TRAF5: variants seen among roughly 807,000 people sequenced by gnomAD.
The protein encoded by TRAF5 is TNF receptor associated factor 5, also known as TNF receptor-associated factor 5.
TRAF5 carries 48 observed loss-of-function variants against 64.5 expected under a neutral mutation model. The ratio of observed to expected loss-of-function variants is 0.74; its 90% confidence interval spans 0.59 to 0.95. The LOEUF (loss-of-function observed/expected upper bound fraction) is 0.95, where lower values mean the gene tolerates loss of function less well. TRAF5 is among the 40% of genes least tolerant of loss of function. The pLI is 0.00. For missense variants in TRAF5, 545 were observed against 662.8 expected (o/e 0.82, Z 1.95); for synonymous variants, 206 against 240.5 (o/e 0.86, Z 1.33).
At chr1:211,340,846 C>T (rs1328184177) in intron 1 of TRAF5, among the ~76,000 whole-genome samples, 4 of 152,242 alleles carry the variant, frequency 2.6e-5, no homozygotes, top group Admixed American at 6.5e-5. Context: ...TGGCGGTCTT[C>T]GCAGCCTCCA....
intron 1 of TRAF5, among the ~76,000 whole-genome samples, chr1:211,343,231 G>T (rs1702495373): frequency 6.6e-6 from 1 of 152,006 alleles, no homozygotes; most frequent in Non-Finnish European, 1.5e-5. Context: ...GCTATGAAGG[G>T]GTATGGGCAG....
intron 1 of TRAF5, among the ~76,000 whole-genome samples, chr1:211,345,891 C>T (rs1702592381): frequency 6.6e-6 from 1 of 152,220 alleles, no homozygotes; most frequent in South Asian, 2.1e-4. Flanking sequence ...CTCTCATTGG[C>T]TGAACCTAAC....
chr1:211,347,286 T>TA (rs1301355665), intron 1 of TRAF5, among the ~76,000 whole-genome samples: 2 of 152,194 alleles, frequency 1.3e-5, no homozygotes, highest in Non-Finnish European at 2.9e-5. Context: ...TAAAGAAGCA[T>TA]AGCCTTTCTA....
intron 1 of TRAF5, among the ~76,000 whole-genome samples, chr1:211,348,397 C>T (rs747846058): frequency 2.6e-5 from 4 of 151,844 alleles, no homozygotes; most frequent in Non-Finnish European, 4.4e-5. Context: ...ATATAATTTG[C>T]GTAAACAAAA....
At chr1:211,369,850 G>A (rs1214687973) in intron 9 of TRAF5, among the ~76,000 whole-genome samples, 1 of 152,148 alleles carries the variant, frequency 6.6e-6, no homozygotes, top group Non-Finnish European at 1.5e-5. Flanking sequence ...GTGTGCATGT[G>A]TGTGCACGTG....
intron 6 of TRAF5, 101 bp downstream of exon 6, chr1:211,360,880 C>T (rs1703155897): frequency 1.7e-6 from 2 of 1,154,930 alleles, no homozygotes. Context: ...GGGCCCAGGG[C>T]TTAAATTACA....
intron 1 of TRAF5, chr1:211,346,275 T>A: frequency 1.3e-6 from 1 of 764,610 alleles, no homozygotes; most frequent in African/African-American, 1.9e-5. Flanking sequence ...AATTGATCAT[T>A]TTTGTGCCTT....
chr1:211,341,823 A>T (rs1702454856), intron 1 of TRAF5, among the ~76,000 whole-genome samples: 1 of 152,260 alleles, frequency 6.6e-6, no homozygotes, highest in South Asian at 2.1e-4. Flanking sequence ...ATTTACAAAA[A>T]GTGACTGAAT....
intron 1 of TRAF5, among the ~76,000 whole-genome samples, chr1:211,328,527 C>T (rs1459395936): frequency 2.0e-5 from 3 of 152,078 alleles, no homozygotes; most frequent in Non-Finnish European, 4.4e-5. Context: ...GCAGCAAGCC[C>T]GCTGGACTTG....
chr1:211,362,871 A>G (rs1020011618), intron 7 of TRAF5, among the ~76,000 whole-genome samples: 6 of 152,066 alleles, frequency 3.9e-5, no homozygotes, highest in African/African-American at 1.5e-4. Flanking sequence ...ATCAGACAAA[A>G]AAAAGGGGGG....
chr1:211,361,103 G>A lies in TRAF5; in HGVS notation c.637G>A (p.Ala213Thr), dbSNP rs200289585. Reference protein sequence around the residue: ...ILKTEVDEHLAVCPEAEQDCP... With the variant: ...ILKTEVDEHLTVCPEAEQDCP... Reference sequence around the variant, plus strand: ...CATTTCGTAGGTAGATGAACACCTGGCTGTATGTCCTGAAGCTGAGCAAGA... The same window carrying A: ...CATTTCGTAGGTAGATGAACACCTGACTGTATGTCCTGAAGCTGAGCAAGA... The change falls in exon 7 of 11, where the codon GCT becomes ACT. Residue 213 changes from alanine (A) to threonine (T), a missense_variant. Coordinates refer to ENST00000261464, the MANE Select transcript of TRAF5 (RefSeq NM_001033910.3). The A allele has an allele frequency of 3.7e-6, 6 of 1,614,080 alleles. No individual in the cohort carries two copies. The highest frequency in any genetic ancestry group is 3.3e-5 in the Admixed American group (2 of 60,014).
At chr1:211,338,684 G>A (rs189657664) in intron 1 of TRAF5, among the ~76,000 whole-genome samples, 1 of 152,230 alleles carries the variant, frequency 6.6e-6, no homozygotes, top group East Asian at 1.9e-4. Flanking sequence ...GAGTGCAGTG[G>A]TGCAGTCTTG....
At chr1:211,356,700 A>T (rs1702980302) in intron 4 of TRAF5, 1 of 451,478 alleles carries the variant, frequency 2.2e-6, no homozygotes, top group East Asian at 3.8e-5. Flanking sequence ...TCTTGTATCC[A>T]CTAGACCTTA....
Position 211,372,291 on chromosome 1 carries a change from G to A in TRAF5, c.1263G>A (p.Val421=), listed in dbSNP as rs370454821. 14 of 1,613,994 alleles carry A rather than the reference G, an allele frequency of 8.7e-6. 1 individual carries two copies. The African/African-American group carries it at 9.3e-5, about 11-fold the overall frequency. ...TDYKMKKREA[V]DGHTVSIFSQ... ...ACAAGATGAAGAAGAGAGAGGCGGT[G>A]GATGGGCACACAGTGTCCATCTTCA... Residue 421 remains valine (V), a synonymous_variant, in exon 11 of 11, where the codon GTG becomes GTA. Transcript: ENST00000261464.
intron 1 of TRAF5, among the ~76,000 whole-genome samples, chr1:211,344,557 T>G (rs1010053446): frequency 2.6e-5 from 4 of 152,144 alleles, no homozygotes; most frequent in African/African-American, 9.7e-5. Context: ...GAAAATGGCC[T>G]TATTGGTTCT....
At chr1:211,361,947 T>C (rs1287261318) in intron 7 of TRAF5, among the ~76,000 whole-genome samples, 1 of 152,134 alleles carries the variant, frequency 6.6e-6, no homozygotes, top group Non-Finnish European at 1.5e-5. Flanking sequence ...TGCGCCTGCC[T>C]CGGCCTCCCA....
At chr1:211,370,809 C>T (rs556845136) in intron 9 of TRAF5, among the ~76,000 whole-genome samples, 2 of 152,292 alleles carry the variant, frequency 1.3e-5, no homozygotes, top group African/African-American at 4.8e-5. Flanking sequence ...TTTATTTAGT[C>T]TCTTCCACCT....
Position 211,360,612 on chromosome 1 carries a change from G to A in TRAF5, c.544-90G>A, listed in dbSNP as rs1251361430. The A allele has an allele frequency of 6.3e-5, 64 of 1,021,618 alleles. No homozygotes were observed. In the East Asian group the frequency reaches 9.1e-4, roughly 15 times the overall value. The allele number at this position is 1,021,618 out of a possible 1,614,324, so 63.3% of individuals were successfully genotyped here. On this transcript the variant is annotated intron_variant, in intron 5 of 10. Transcript: ENST00000261464. ...TAACTTCCTGTAGAGAGTAAGCCAC[G>A]TGACATATAATCCCCAAAGAGACAC...
chr1:211,333,722 C>T (rs886417005), intron 1 of TRAF5, among the ~76,000 whole-genome samples: 9 of 151,996 alleles, frequency 5.9e-5, no homozygotes, highest in Non-Finnish European at 1.2e-4. Flanking sequence ...GGTCTCAACT[C>T]CTGGCTTCAA....
Sources: gnomAD v4.1 joint callset for allele counts (sites outside exome capture counted in the v4.1 genomes callset) on GRCh38, gnomAD v4.1.1 for gene constraint, MANE v1.5 for transcripts, NCBI Gene and HGNC (gene_info 2026-07-23, HGNC 2026-07-21) for gene names.